Variants in CNTN5 observed in about 807,000 individuals in gnomAD.
The protein encoded by CNTN5 is contactin-5.
CNTN5 carries 77 observed loss-of-function variants against 129.1 expected under a neutral mutation model. The observed-to-expected ratio is 0.60, with a 90% CI of 0.50 to 0.72. The LOEUF (loss-of-function observed/expected upper bound fraction) is 0.72, where lower values mean the gene tolerates loss of function less well. Among genes scored for constraint, CNTN5 ranks in the 30% least tolerant of loss-of-function variants. CNTN5 has a pLI of 0.00. For synonymous variants in CNTN5, 509 were observed against 465.6 expected (o/e 1.09, Z -1.20); for missense variants, 1,478 against 1,328.8 (o/e 1.11, Z -1.75).
intron 7 of CNTN5, among the ~76,000 whole-genome samples, chr11:99,940,659 C>A (rs1352350502): frequency 6.6e-6 from 1 of 152,094 alleles, no homozygotes; most frequent in South Asian, 2.1e-4. Context: ...TTCTTGTCCA[C>A]TTTAAAATAC....
intron 1 of CNTN5, among the ~76,000 whole-genome samples, chr11:99,090,702 T>C: frequency 6.8e-6 from 1 of 147,268 alleles, no homozygotes; most frequent in Non-Finnish European, 1.5e-5. Flanking sequence ...AGGTAATTTC[T>C]GATGTATTGT....
At chr11:99,882,646 A>G (rs1337665882) in intron 6 of CNTN5, among the ~76,000 whole-genome samples, 1 of 152,154 alleles carries the variant, frequency 6.6e-6, no homozygotes, top group Non-Finnish European at 1.5e-5. Flanking sequence ...AAAATGCCTA[A>G]TAATCATATC....
At chr11:99,898,704 A>G (rs746198687) in intron 6 of CNTN5, among the ~76,000 whole-genome samples, 1 of 150,992 alleles carries the variant, frequency 6.6e-6, no homozygotes, top group Non-Finnish European at 1.5e-5. Context: ...GACTACCGTG[A>G]TTTTTTTTTC....
chr11:99,274,458 A>C (rs1863328494), intron 1 of CNTN5, among the ~76,000 whole-genome samples: 1 of 151,674 alleles, frequency 6.6e-6, no homozygotes, highest in Non-Finnish European at 1.5e-5. Flanking sequence ...AAGTACAACA[A>C]ACCTCAGGCT....
At chr11:99,515,719 C>G (rs1317195996) in intron 2 of CNTN5, among the ~76,000 whole-genome samples, 3 of 151,934 alleles carry the variant, frequency 2.0e-5, no homozygotes, top group African/African-American at 7.2e-5. Flanking sequence ...ACCATAAATG[C>G]ATGTGTTTTC....
At chr11:99,504,368 C>T (rs1189146720) in intron 2 of CNTN5, among the ~76,000 whole-genome samples, 2 of 151,588 alleles carry the variant, frequency 1.3e-5, no homozygotes, top group Non-Finnish European at 2.9e-5. Flanking sequence ...CGGTGAAACC[C>T]CGTCTCTACT....
At chr11:100,099,317 G>T (rs12284705) in intron 13 of CNTN5, among the ~76,000 whole-genome samples, 1,740 of 152,104 alleles carry the variant, frequency 0.011, 37 homozygotes, top group African/African-American at 0.039. Context: ...AACTGGGGTG[G>T]TTGGACACCC....
chr11:99,036,719 T>C (rs1863753833), intron 1 of CNTN5, among the ~76,000 whole-genome samples: 1 of 152,184 alleles, frequency 6.6e-6, no homozygotes, highest in East Asian at 1.9e-4. Flanking sequence ...CGTCCCACTG[T>C]AGCCAACACA....
intron 21 of CNTN5, among the ~76,000 whole-genome samples, chr11:100,335,159 G>T (rs1038771254): frequency 2.4e-5 from 3 of 127,562 alleles, no homozygotes; most frequent in Admixed American, 1.8e-4. Context: ...CTCTAAAATG[G>T]CTCCAAAAAA....
chr11:99,860,913 T>C (rs1421158774), intron 6 of CNTN5, among the ~76,000 whole-genome samples: 3 of 152,026 alleles, frequency 2.0e-5, no homozygotes, highest in African/African-American at 7.2e-5. Flanking sequence ...TTTAATGATA[T>C]TGATTCTTCT....
intron 18 of CNTN5, among the ~76,000 whole-genome samples, chr11:100,291,308 C>G (rs1013678668): frequency 6.6e-6 from 1 of 151,924 alleles, no homozygotes; most frequent in Non-Finnish European, 1.5e-5. Context: ...CACATGCACA[C>G]GTATGTTTAT....
intron 6 of CNTN5, among the ~76,000 whole-genome samples, chr11:99,899,169 G>A (rs962081472): frequency 7.9e-5 from 12 of 151,988 alleles, no homozygotes; most frequent in African/African-American, 2.7e-4. Context: ...TATCTTCAGT[G>A]AACAGAGATA....
At chr11:99,231,098 G>A (rs929318468) in intron 1 of CNTN5, among the ~76,000 whole-genome samples, 2 of 152,114 alleles carry the variant, frequency 1.3e-5, no homozygotes, top group African/African-American at 2.4e-5. Context: ...GTTTTGAATA[G>A]TACTGCAATA....
At chr11:99,435,261 T>C (rs1201845487) in intron 2 of CNTN5, among the ~76,000 whole-genome samples, 1 of 152,082 alleles carries the variant, frequency 6.6e-6, no homozygotes, top group Non-Finnish European at 1.5e-5. Context: ...ACATCATACT[T>C]ATGCCATCTT....
intron 16 of CNTN5, among the ~76,000 whole-genome samples, chr11:100,250,266 C>T (rs1446397296): frequency 1.3e-5 from 2 of 151,968 alleles, no homozygotes; most frequent in South Asian, 2.1e-4. Context: ...AAACTTAAAT[C>T]GCATCTCCGT....
chr11:99,901,103 T>C (rs1949345001), intron 6 of CNTN5, among the ~76,000 whole-genome samples: 1 of 152,096 alleles, frequency 6.6e-6, no homozygotes. Flanking sequence ...TAATAAGAAA[T>C]GAATTAAAAC....
At chr11:99,336,049 C>A (rs534664871) in intron 2 of CNTN5, among the ~76,000 whole-genome samples, 1 of 151,036 alleles carries the variant, frequency 6.6e-6, no homozygotes, top group East Asian at 2.0e-4. Flanking sequence ...AAAAAAAAAA[C>A]TTTTTGTTTT....
intron 3 of CNTN5, among the ~76,000 whole-genome samples, chr11:99,653,528 A>T (rs1230376363): frequency 6.6e-6 from 1 of 152,074 alleles, no homozygotes; most frequent in African/African-American, 2.4e-5. Flanking sequence ...TCTTGGTGAC[A>T]ATAGCTAGGA....
intron 1 of CNTN5, among the ~76,000 whole-genome samples, chr11:99,087,202 T>C (rs1009845207): frequency 6.6e-6 from 1 of 152,218 alleles, no homozygotes; most frequent in African/African-American, 2.4e-5. Context: ...AATTCTCACA[T>C]TGATTAACTC....
Sources: allele counts gnomAD v4.1 joint callset (sites outside exome capture counted in the v4.1 genomes callset), GRCh38; gene constraint gnomAD v4.1.1; transcripts MANE v1.5; gene names NCBI Gene and HGNC (gene_info 2026-07-23, HGNC 2026-07-21).